APBB2: variants seen among roughly 807,000 people sequenced by gnomAD.
The protein encoded by APBB2 is Fe65-like 1.
APBB2 carries 38 observed loss-of-function variants against 82.5 expected under a neutral mutation model. The observed-to-expected ratio is 0.46, with a 90% confidence interval of 0.36 to 0.60. The LOEUF is 0.60. Ranked by LOEUF, APBB2 falls within the 20% of genes least tolerant of loss-of-function variation. APBB2 has a pLI of 0.00. For synonymous variants in APBB2, 341 were observed against 368.2 expected, an observed-to-expected ratio of 0.93 and a Z score of 0.85; for missense variants, 772 against 972.3, an observed-to-expected ratio of 0.79 and a Z score of 2.74.
intron 10 of APBB2, among the ~76,000 whole-genome samples, chr4:40,897,363 G>A (rs1773952648): frequency 6.6e-6 from 1 of 152,138 alleles, no homozygotes; most frequent in South Asian, 2.1e-4. Flanking sequence ...AATTAGCCAG[G>A]TGTGGTGGCA....
intron 10 of APBB2, among the ~76,000 whole-genome samples, chr4:40,902,274 T>G (rs1285423443): frequency 6.6e-6 from 1 of 152,168 alleles, no homozygotes; most frequent in Non-Finnish European, 1.5e-5. Flanking sequence ...CATCAACACG[T>G]ATTGTATGTG....
chr4:41,053,172 G>A (rs1317888331), intron 4 of APBB2, among the ~76,000 whole-genome samples: 2 of 151,886 alleles, frequency 1.3e-5, no homozygotes, highest in African/African-American at 4.8e-5. Context: ...CAAGGCTAGG[G>A]AAAAAAGTGA....
chr4:41,050,431 G>A (rs1164943849), intron 4 of APBB2, among the ~76,000 whole-genome samples: 1 of 152,202 alleles, frequency 6.6e-6, no homozygotes, highest in African/African-American at 2.4e-5. Flanking sequence ...CATTCTGCTG[G>A]TGACTGAAGT....
intron 4 of APBB2, among the ~76,000 whole-genome samples, chr4:41,055,999 C>T (rs2153865143): frequency 1.3e-5 from 2 of 152,200 alleles, no homozygotes; most frequent in Admixed American, 1.3e-4. Flanking sequence ...TCAAGACCAG[C>T]CTGGCCAATG....
chr4:40,930,438 TGTGTGTGTGTGC>T (rs746049712), intron 10 of APBB2, among the ~76,000 whole-genome samples: 7 of 41,934 alleles, frequency 1.7e-4, no homozygotes, highest in South Asian at 1.5e-3. Flanking sequence ...TGTGTGTGTG[TGTGTGTGTGTGC>T]GCGCGCGCGC....
intron 2 of APBB2, among the ~76,000 whole-genome samples, chr4:41,135,227 T>A (rs1215588529): frequency 6.6e-6 from 1 of 150,712 alleles, no homozygotes; most frequent in East Asian, 1.9e-4. Flanking sequence ...ATGGTTACTA[T>A]GATTCTAAAA....
At chr4:41,078,427 C>T (rs142348934) in intron 3 of APBB2, among the ~76,000 whole-genome samples, 323 of 152,254 alleles carry the variant, frequency 2.1e-3, no homozygotes, top group African/African-American at 7.3e-3. Flanking sequence ...AACATATAAA[C>T]CACCCAACTG....
chr4:41,144,431 GA>G (rs1560869551), intron 1 of APBB2, among the ~76,000 whole-genome samples: 1 of 152,288 alleles, frequency 6.6e-6, no homozygotes, highest in East Asian at 1.9e-4. Context: ...TTATGGAATG[GA>G]AAGCTATTTG....
chr4:40,893,239 C>T (rs559275296), intron 11 of APBB2, 26 bp downstream of exon 11: 51 of 1,608,818 alleles, frequency 3.2e-5, no homozygotes, highest in Non-Finnish European at 3.8e-5. Flanking sequence ...AACAGCCTGC[C>T]GTGCATCATT....
At chr4:41,046,377 T>A (rs75672064) in intron 4 of APBB2, among the ~76,000 whole-genome samples, 1 of 152,258 alleles carries the variant, frequency 6.6e-6, no homozygotes, top group African/African-American at 2.4e-5. Flanking sequence ...CTGCAATTCA[T>A]GGAACAAAGA....
At chr4:40,979,311 A>T (rs1797929698) in intron 6 of APBB2, among the ~76,000 whole-genome samples, 1 of 152,232 alleles carries the variant, frequency 6.6e-6, no homozygotes, top group African/African-American at 2.4e-5. Flanking sequence ...AAGAATTCTA[A>T]GATGGCCCTA....
intron 11 of APBB2, 35 bp from the exon 12 acceptor site, chr4:40,890,526 A>G (rs140849635): frequency 6.2e-7 from 1 of 1,611,074 alleles, no homozygotes; most frequent in East Asian, 2.2e-5. Context: ...TGTCTTCTTC[A>G]TGCAGGCTGG....
intron 1 of APBB2, among the ~76,000 whole-genome samples, chr4:41,205,124 T>C (rs1777616582): frequency 1.3e-5 from 2 of 152,198 alleles, no homozygotes; most frequent in African/African-American, 4.8e-5. Flanking sequence ...AAGCAGAGGA[T>C]GGAAACATTT....
intron 12 of APBB2, among the ~76,000 whole-genome samples, chr4:40,884,708 G>A (rs946746577): frequency 2.0e-5 from 3 of 152,192 alleles, no homozygotes; most frequent in African/African-American, 7.2e-5. Context: ...AGGCTGCAGT[G>A]AGTGATGATC....
rs1283229839 is a variant in APBB2 at position 40,930,440 on chromosome 4, T to C, written c.1254+4016A>G. On this transcript the variant is annotated intron_variant, in intron 10 of 17. Coordinates refer to ENST00000508593, the MANE Select transcript of APBB2 (RefSeq NM_004307.2). Reference sequence around the variant, plus strand: ...GGGGAAGTGTGTGTGTGTGTGTGTGTGTGTGTGTGCGCGCGCGCGCGCGCG... The same window carrying C: ...GGGGAAGTGTGTGTGTGTGTGTGTGCGTGTGTGTGCGCGCGCGCGCGCGCG... Among the ~76,000 whole-genome samples, 6 of 45,304 alleles carry C rather than the reference T, an allele frequency of 1.3e-4. No homozygotes were observed. The East Asian group carries it at 2.0e-3, about 15-fold the overall frequency. The allele number at this position is 45,304 out of a possible 152,430, so 29.7% of individuals were successfully genotyped here.
At chr4:40,907,375 A>ATTTTTTTT (rs1316757649) in intron 10 of APBB2, among the ~76,000 whole-genome samples, 1 of 32,514 alleles carries the variant, frequency 3.1e-5, no homozygotes, top group African/African-American at 1.6e-4. Context: ...ATATATATAT[A>ATTTTTTTT]TATATTTTTT....
chr4:40,819,150 T>C (rs1019921661), intron 17 of APBB2, among the ~76,000 whole-genome samples: 6 of 150,984 alleles, frequency 4.0e-5, no homozygotes, highest in Non-Finnish European at 8.8e-5. Context: ...AACTAATTCG[T>C]AGGCTAAGTC....
intron 1 of APBB2, among the ~76,000 whole-genome samples, chr4:41,204,441 G>A (rs2154078153): frequency 6.6e-6 from 1 of 152,300 alleles, no homozygotes; most frequent in South Asian, 2.1e-4. Context: ...CTCCATGCGG[G>A]AGCTAGAGTC....
At chr4:41,148,590 T>C (rs531360551) in intron 1 of APBB2, among the ~76,000 whole-genome samples, 4 of 152,306 alleles carry the variant, frequency 2.6e-5, no homozygotes, top group East Asian at 1.9e-4. Flanking sequence ...GGACTGACTC[T>C]AAGGGAAGCT....
Sources: allele counts gnomAD v4.1 joint callset (sites outside exome capture counted in the v4.1 genomes callset), GRCh38; gene constraint gnomAD v4.1.1; transcripts MANE v1.5; gene names NCBI Gene and HGNC (gene_info 2026-07-23, HGNC 2026-07-21).